The following ADGRD1 variants were observed in gnomAD, a reference collection of about 807,000 sequenced individuals.
The protein encoded by ADGRD1 is G-protein coupled receptor 133.
In ADGRD1, 77 loss-of-function variants were observed where a neutral mutation model predicts 113.4. The ratio of observed to expected loss-of-function variants is 0.68; its 90% CI spans 0.57 to 0.82. ADGRD1 has a LOEUF of 0.82. Among genes scored for constraint, ADGRD1 ranks in the 40% least tolerant of loss-of-function variants. The pLI, the probability that ADGRD1 is intolerant of heterozygous loss-of-function variation, is 0.00. For synonymous variants in ADGRD1, 474 were observed against 475.0 expected, an observed-to-expected ratio of 1.00 and a Z score of 0.03; for missense variants, 1,036 against 1,139.1, an observed-to-expected ratio of 0.91 and a Z score of 1.30.
Position 131,086,271 on chromosome 12 carries a change from A to T in ADGRD1, c.1671+1608A>T, listed in dbSNP as rs1232881094. ...GGGTTGGGCTTCCACTGTCCTGTTG[A>T]CCAGGAGACAGAACTCTTCAAGGTG... On this transcript the variant is annotated intron_variant, in intron 15 of 24. Coordinates refer to ENST00000261654, the MANE Select transcript of ADGRD1 (RefSeq NM_198827.5). Among the ~76,000 whole-genome samples the T allele has an allele frequency of 4.6e-5, 7 of 152,058 alleles. No individual in the cohort carries two copies. In the East Asian group the frequency reaches 1.4e-3, roughly 29 times the overall value.
chr12:131,115,182 C>T (rs1950434744), intron 18 of ADGRD1, among the ~76,000 whole-genome samples: 1 of 152,194 alleles, frequency 6.6e-6, no homozygotes, highest in Admixed American at 6.5e-5. Flanking sequence ...TTTTCCTATG[C>T]ACGCTACATG....
rs1455568224 is a variant in ADGRD1, at chr12:130,954,401, A to G, written c.-65A>G. 3.0e-6 allele frequency: 4 copies of G among 1,354,502 alleles called. No homozygotes were observed. Among genetic ancestry groups the G allele is most frequent in the African/African-American group, 2.9e-5 (2 of 68,210 alleles). The allele number at this position is 1,354,502 out of a possible 1,614,324, so 83.9% of individuals were successfully genotyped here. On this transcript the variant is annotated 5_prime_UTR_variant, in exon 1 of 25. Coordinates refer to ENST00000261654, the MANE Select transcript of ADGRD1 (RefSeq NM_198827.5). This position sits in a 1 kb window ranked among gnomAD's most constrained non-coding sequence, Gnocchi z 4.7. ...CTTTTCCAAGGAAGTGAAGGTTAAG[A>G]GGTCCCGTTCTCACAGACCCTCAGG...
At position 131,104,856 on chromosome 12, in the gene ADGRD1, T is replaced by C. The variant is rs1218581866; in HGVS notation, c.1697T>C (p.Leu566Pro). The change falls in exon 16 of 25, where the codon CTG (leucine) becomes CCG (proline). Residue 566 changes from leucine to proline, a missense_variant. Coordinates refer to ENST00000261654, the MANE Select transcript of ADGRD1 (RefSeq NM_198827.5). The stretch of plus-strand genomic sequence containing the variant: ...CTTGCACGCGGACACCAGGTGGCGC[T>C]GTCGTCTATCAGCTATGTGGGCTGC... ...LELARGHQVA[L>P]SSISYVGCSL... The C allele has an allele frequency of 6.5e-7, 1 of 1,549,904 alleles. No homozygotes were observed. Among genetic ancestry groups the C allele is most frequent in the South Asian group, 1.2e-5 (1 of 84,010 alleles).
chr12:131,138,875 G>A lies in ADGRD1; in HGVS notation c.2530-293G>A, dbSNP rs868429902. On this transcript the variant is annotated intron_variant, in intron 24 of 24. Transcript: ENST00000261654. ...GCAGCGTGGACAGATGCATGGGGGT[G>A]AAAGCGTGGGTGCCGGGCAGATGGG... 5.3e-5 allele frequency among the ~76,000 whole-genome samples: 8 copies of A among 152,224 alleles called. No individual in the cohort carries two copies. In the South Asian group the frequency reaches 1.0e-3, roughly 20 times the overall value.
Position 131,123,860 on chromosome 12 carries a change from A to G in ADGRD1, c.2175+2947A>G, listed in dbSNP as rs192814595. On this transcript the variant is annotated intron_variant, in intron 20 of 24. Coordinates refer to ENST00000261654, the MANE Select transcript of ADGRD1 (RefSeq NM_198827.5). ...AAAAAAAGGTTCCAGGTTCAAGTGCAGAGGCCAGCAAACTGCAGCAGTGTG... is the reference window on the plus strand; with the variant it reads ...AAAAAAAGGTTCCAGGTTCAAGTGCGGAGGCCAGCAAACTGCAGCAGTGTG... Among the ~76,000 whole-genome samples, 5 of 150,618 alleles carry G rather than the reference A, an allele frequency of 3.3e-5. No homozygotes were observed. The East Asian group carries it at 9.7e-4, about 29-fold the overall frequency.
intron 20 of ADGRD1, among the ~76,000 whole-genome samples, chr12:131,125,466 A>G (rs1950718059): frequency 6.6e-6 from 1 of 152,214 alleles, no homozygotes; most frequent in African/African-American, 2.4e-5. Context: ...AAGCCAGGGT[A>G]GCTATGTGTC....
intron 13 of ADGRD1, among the ~76,000 whole-genome samples, chr12:131,034,869 C>G (rs939787289): frequency 1.3e-5 from 2 of 152,210 alleles, no homozygotes; most frequent in Non-Finnish European, 2.9e-5. Context: ...CACAGGGCCG[C>G]TCTTGCCTGG....
Position 131,139,201 on chromosome 12 carries a change from A to G in ADGRD1, c.2563A>G (p.Lys855Glu), listed in dbSNP as rs1298893321. The G allele has an allele frequency of 6.2e-7, 1 of 1,612,932 alleles. No individual in the cohort carries two copies. The highest frequency in any genetic ancestry group is 2.2e-5 in the East Asian group (1 of 44,876). Reference protein sequence around the residue: ...NGTRPGMASTKLSPWDKSSHS... With the variant: ...NGTRPGMASTELSPWDKSSHS... The stretch of plus-strand genomic sequence containing the variant: ...GACCCGGCCAGGCATGGCCTCCACC[A>G]AGCTCAGCCCTTGGGACAAGAGCAG... The change falls in exon 25 of 25, where the codon AAG becomes GAG. Residue 855 changes from lysine (K) to glutamate (E), a missense_variant. Physicochemically the swap from Lys to Glu is moderately conservative, Grantham distance 56. Transcript: ENST00000261654.
chr12:131,072,391 G>A (rs978724526), intron 13 of ADGRD1, among the ~76,000 whole-genome samples: 1 of 152,188 alleles, frequency 6.6e-6, no homozygotes, highest in African/African-American at 2.4e-5. Context: ...TCTGAAGTAG[G>A]GGGCATCGGT....
At chr12:130,990,785 G>T (rs182725024) in intron 6 of ADGRD1, 2 of 449,654 alleles carry the variant, frequency 4.4e-6, no homozygotes, top group Admixed American at 8.0e-5. Context: ...GTTCAAAAGC[G>T]ATTGAGAATA....
chr12:131,081,524 TATG>T (rs1189142304), intron 14 of ADGRD1, among the ~76,000 whole-genome samples: 3 of 152,346 alleles, frequency 2.0e-5, no homozygotes, highest in South Asian at 2.1e-4. Context: ...CTTCAAGTAC[TATG>T]ATATCATTCC....
chr12:131,078,062 G>T (rs1885779663), intron 14 of ADGRD1, among the ~76,000 whole-genome samples: 1 of 152,176 alleles, frequency 6.6e-6, no homozygotes, highest in African/African-American at 2.4e-5. Flanking sequence ...CCTGTGCCTG[G>T]ACTCACTTCC....
intron 15 of ADGRD1, among the ~76,000 whole-genome samples, chr12:131,091,249 C>T (rs986463047): frequency 3.9e-5 from 6 of 151,978 alleles, no homozygotes; most frequent in Non-Finnish European, 7.4e-5. Context: ...CTCAGTACAC[C>T]CATGAGAATC....
intron 13 of ADGRD1, among the ~76,000 whole-genome samples, chr12:131,064,566 T>C (rs1884570036): frequency 6.6e-6 from 1 of 152,260 alleles, no homozygotes; most frequent in South Asian, 2.1e-4. Context: ...AGGAGAATAC[T>C]ATCATCTTTT....
In ADGRD1 at chr12:131,000,423, G is replaced by C; in HGVS notation, c.1007G>C (p.Gly336Ala). 1 of 1,612,774 alleles carries C rather than the reference G, an allele frequency of 6.2e-7. No individual in the cohort carries two copies. Among genetic ancestry groups the C allele is most frequent in the Non-Finnish European group, 8.5e-7 (1 of 1,179,334 alleles). The change falls in exon 9 of 25, where the codon GGT becomes GCT. Residue 336 changes from glycine (G) to alanine (A), a missense_variant. Physicochemically the swap from Gly to Ala is moderately conservative, Grantham distance 60. Coordinates refer to ENST00000261654, the MANE Select transcript of ADGRD1 (RefSeq NM_198827.5). ...KAVGEILLLP[G>A]WIALSEDSAV... is the part of the protein sequence containing the mutation. ...GTGGGAGAGATCCTTCTACTGCCTG[G>C]TTGGATTGCTCTGTCAGAGGTAAGA...
At chr12:131,105,922 C>A in intron 17 of ADGRD1, 57 bp downstream of exon 17, 1 of 1,205,222 alleles carries the variant, frequency 8.3e-7, no homozygotes, top group Non-Finnish European at 1.2e-6. Context: ...CCTCGGATGT[C>A]ACCGGGTGGC....
intron 13 of ADGRD1, chr12:131,023,976 C>T (rs1431000944): frequency 6.6e-6 from 1 of 152,256 alleles, no homozygotes; most frequent in East Asian, 1.9e-4. Flanking sequence ...GCCTTCTGCT[C>T]CTGACCCTGG....
At chr12:131,136,260 C>T in intron 22 of ADGRD1, 97 bp downstream of exon 22, 3 of 1,448,992 alleles carry the variant, frequency 2.1e-6, no homozygotes, top group South Asian at 2.4e-5. Flanking sequence ...GGAGGCCTGC[C>T]CTCCCGGCCA....
chr12:131,029,822 TCC>T (rs1880437611), intron 13 of ADGRD1, among the ~76,000 whole-genome samples: 1 of 93,826 alleles, frequency 1.1e-5, no homozygotes, highest in Admixed American at 1.1e-4. Context: ...ACGGTGACAT[TCC>T]CAGGCTCTGG....
Sources: gnomAD v4.1 joint callset for allele counts (sites outside exome capture counted in the v4.1 genomes callset) on GRCh38, gnomAD v4.1.1 for gene constraint, Gnocchi (gnomAD v3.1) non-coding constraint, MANE v1.5 for transcripts, NCBI Gene and HGNC (gene_info 2026-07-23, HGNC 2026-07-21) for gene names.